The following RALGPS1 variants were observed in gnomAD, a reference collection of about 807,000 sequenced individuals.
The protein encoded by RALGPS1 is Ral GEF with PH domain and SH3 binding motif 1, also known as ras-specific guanine nucleotide-releasing factor RalGPS1.
Under a neutral mutation model 78.8 loss-of-function variants are expected in RALGPS1, and 19 were observed. That is an observed-to-expected ratio of 0.24 (90% CI 0.17 to 0.35). The LOEUF (loss-of-function observed/expected upper bound fraction) is 0.35. Ranked by LOEUF, RALGPS1 falls within the 10% of genes least tolerant of loss-of-function variation. The pLI is 1.00. For missense variants in RALGPS1, 454 were observed against 688.3 expected (o/e 0.66, Z 3.81); for synonymous variants, 228 against 256.3 (o/e 0.89, Z 1.06).
chr9:127,129,086 C>G (rs1298676385), intron 8 of RALGPS1, among the ~76,000 whole-genome samples: 2 of 152,126 alleles, frequency 1.3e-5, no homozygotes, highest in Non-Finnish European at 2.9e-5. Context: ...GAGTTGGGCT[C>G]TAGGTCAATT....
intron 8 of RALGPS1, among the ~76,000 whole-genome samples, chr9:127,086,433 G>A (rs2051753516): frequency 6.6e-6 from 1 of 152,106 alleles, no homozygotes; most frequent in South Asian, 2.1e-4. Flanking sequence ...ACACGTCATG[G>A]TTTATCCTTC....
chr9:126,945,642 T>C (rs1588568950), intron 1 of RALGPS1, among the ~76,000 whole-genome samples: 1 of 152,356 alleles, frequency 6.6e-6, no homozygotes, highest in East Asian at 1.9e-4. Flanking sequence ...TACTTGGCTC[T>C]GGGAGAGTCA....
At chr9:127,115,582 A>G (rs1254706283) in intron 8 of RALGPS1, among the ~76,000 whole-genome samples, 15 of 152,208 alleles carry the variant, frequency 9.9e-5, no homozygotes, top group Admixed American at 9.2e-4. Context: ...AAATATCACA[A>G]CTGGGATTTA....
chr9:127,145,863 G>GGCATTT (rs1156879420), intron 8 of RALGPS1, among the ~76,000 whole-genome samples: 2 of 152,084 alleles, frequency 1.3e-5, no homozygotes, highest in African/African-American at 4.8e-5. Context: ...TATAAATAAT[G>GGCATTT]GCATTTACAT....
chr9:127,122,743 G>A lies in RALGPS1; in HGVS notation c.611-43326G>A, dbSNP rs1020610142. 1 of 152,524 alleles carries A rather than the reference G, an allele frequency of 6.6e-6. No homozygotes were observed. Among genetic ancestry groups the A allele is most frequent in the Non-Finnish European group, 1.5e-5 (1 of 68,324 alleles). The allele number at this position is 152,524 out of a possible 1,614,324, so 9.4% of individuals were successfully genotyped here. Reference sequence around the variant, plus strand: ...TTCTCTCCACCCACCAGTGCAAGAGGATCCCCCAGGCCCCAGAAAGGCTCC... The same window carrying A: ...TTCTCTCCACCCACCAGTGCAAGAGAATCCCCCAGGCCCCAGAAAGGCTCC... On this transcript the variant is annotated intron_variant, in intron 8 of 18. Coordinates refer to ENST00000259351, the MANE Select transcript of RALGPS1 (RefSeq NM_014636.3). The surrounding 1 kb of genome is among the most constrained non-coding windows in gnomAD (Gnocchi z 6.4).
At chr9:127,199,716 C>T (rs79361246) in intron 14 of RALGPS1, among the ~76,000 whole-genome samples, 3 of 152,298 alleles carry the variant, frequency 2.0e-5, no homozygotes, top group South Asian at 2.1e-4. Flanking sequence ...CTGTGCCAGG[C>T]GCCCGGTGAT....
At chr9:127,169,284 A>C (rs1429115951) in intron 10 of RALGPS1, among the ~76,000 whole-genome samples, 1 of 152,172 alleles carries the variant, frequency 6.6e-6, no homozygotes, top group Non-Finnish European at 1.5e-5. Context: ...TGCAGTATTC[A>C]AGGCCCTACC....
chr9:126,988,194 C>T (rs573144444), intron 4 of RALGPS1, among the ~76,000 whole-genome samples: 3 of 152,112 alleles, frequency 2.0e-5, no homozygotes, highest in Non-Finnish European at 2.9e-5. Flanking sequence ...TCAAGCCTGG[C>T]GGGGGTGAGA....
chr9:127,157,527 T>C (rs1402400230), intron 8 of RALGPS1, among the ~76,000 whole-genome samples: 1 of 152,100 alleles, frequency 6.6e-6, no homozygotes, highest in Non-Finnish European at 1.5e-5. Context: ...ATATTATTTT[T>C]CTATCAAATA....
Position 127,195,155 on chromosome 9 carries a change from T to G in RALGPS1, c.975T>G (p.Val325=), listed in dbSNP as rs1258343951. 1 of 1,613,240 alleles carries G rather than the reference T, an allele frequency of 6.2e-7. No homozygotes were observed. The highest frequency in any genetic ancestry group is 1.1e-5 in the South Asian group (1 of 91,078). Residue 325 remains valine, a synonymous_variant, in exon 12 of 19, where the codon GTT becomes GTG. Transcript: ENST00000259351. ...SRRPTCPDTS[V]AGSLPTPPVP... ...GGCCCACCTGTCCTGACACATCTGT[T>G]GCTGGCAGCCTCCCCACACCTCCAG...
intron 1 of RALGPS1, among the ~76,000 whole-genome samples, chr9:126,951,654 T>C (rs1368550431): frequency 6.6e-6 from 1 of 152,124 alleles, no homozygotes; most frequent in Non-Finnish European, 1.5e-5. Flanking sequence ...AATTAGGTAT[T>C]GATGGGACGT....
At chr9:126,952,729 GTGCACA>G (rs2131815628) in intron 1 of RALGPS1, among the ~76,000 whole-genome samples, 1 of 152,158 alleles carries the variant, frequency 6.6e-6, no homozygotes, top group East Asian at 1.9e-4. Flanking sequence ...ATGTGCCTGT[GTGCACA>G]CGTGTACACT....
intron 4 of RALGPS1, chr9:126,989,854 A>T (rs2042125479): frequency 6.5e-7 from 1 of 1,548,196 alleles, no homozygotes. Flanking sequence ...CTTGAGCTTG[A>T]CTTGACCAGC....
Position 126,954,624 on chromosome 9 carries a change from TA to T in RALGPS1, c.-65-7596del, listed in dbSNP as rs534740840. Among the ~76,000 whole-genome samples, 30 of 152,196 alleles carry T rather than the reference TA, an allele frequency of 2.0e-4. No individual in the cohort carries two copies. In the East Asian group the frequency reaches 5.8e-3, roughly 29 times the overall value. ...CAATGTGGTGAAACCCCATCTCTAC[TA>T]AAAATACAAAAATTAGCCGGGCATG... On this transcript the variant is annotated intron_variant, in intron 1 of 18. Transcript: ENST00000259351.
chr9:126,946,034 G>A (rs1020829335), intron 1 of RALGPS1, among the ~76,000 whole-genome samples: 7 of 152,178 alleles, frequency 4.6e-5, no homozygotes, highest in African/African-American at 1.7e-4. Context: ...GGGACGGGGC[G>A]CAGCAGGGAG....
chr9:127,021,807 C>T (rs1306133432), intron 4 of RALGPS1, among the ~76,000 whole-genome samples: 1 of 152,142 alleles, frequency 6.6e-6, no homozygotes, highest in Admixed American at 6.5e-5. Flanking sequence ...GGCGGCTGCT[C>T]TCAGTCCGCT....
At chr9:126,992,547 C>T (rs775971617) in intron 4 of RALGPS1, among the ~76,000 whole-genome samples, 1 of 152,104 alleles carries the variant, frequency 6.6e-6, no homozygotes, top group Non-Finnish European at 1.5e-5. Context: ...TAAGTTTTAC[C>T]AAAGAAGTCT....
At chr9:127,089,214 G>C in intron 8 of RALGPS1, 3 of 1,486,948 alleles carry the variant, frequency 2.0e-6, no homozygotes, top group Non-Finnish European at 2.8e-6. Context: ...CAGGGCTTTC[G>C]GCAAAGCCCT....
At chr9:127,201,304 C>T (rs1192703510) in intron 14 of RALGPS1, among the ~76,000 whole-genome samples, 7 of 152,234 alleles carry the variant, frequency 4.6e-5, no homozygotes, top group African/African-American at 1.7e-4. Flanking sequence ...TCCTGTTTCT[C>T]ATCCTCTGAG....
Sources: gnomAD v4.1 joint callset for allele counts (sites outside exome capture counted in the v4.1 genomes callset) on GRCh38, gnomAD v4.1.1 for gene constraint, Gnocchi (gnomAD v3.1) non-coding constraint, MANE v1.5 for transcripts, NCBI Gene and HGNC (gene_info 2026-07-23, HGNC 2026-07-21) for gene names.